The following OPA1 variants were observed in gnomAD, a reference collection of about 807,000 sequenced individuals.
OPA1 encodes OPA1 mitochondrial dynamin like GTPase, also known as dynamin-like GTPase OPA1, mitochondrial.
OPA1 carries 59 observed loss-of-function variants against 152.9 expected under a neutral mutation model. That is an observed-to-expected ratio of 0.39 (90% confidence interval 0.31 to 0.48). The LOEUF is 0.48. Among genes scored for constraint, OPA1 ranks in the 20% least tolerant of loss-of-function variants. The pLI is 0.96. For synonymous variants in OPA1, 400 were observed against 389.9 expected, an observed-to-expected ratio of 1.03 and a Z score of -0.31; for missense variants, 1,008 against 1,216.8, an observed-to-expected ratio of 0.83 and a Z score of 2.55.
At chr3:193,622,164 T>G (rs1730207314) in intron 6 of OPA1, among the ~76,000 whole-genome samples, 1 of 151,970 alleles carries the variant, frequency 6.6e-6, no homozygotes, top group African/African-American at 2.4e-5. Context: ...TAGTATTGTT[T>G]TAAGTATAAT....
Position 193,626,168 on chromosome 3 carries a change from A to G in OPA1, c.755A>G (p.Gln252Arg), listed in dbSNP as rs1427041733. Residue 252 changes from glutamine (Q) to arginine (R), a missense_variant, in exon 7 of 31, where the codon CAA becomes CGA. By Grantham distance (43) the Gln-to-Arg change is conservative. Transcript: ENST00000361510. Reference protein sequence around the residue: ...HEEEARRAAGQYSTSYAQQKR... With the variant: ...HEEEARRAAGRYSTSYAQQKR... ...GAGGAAGCGCGCAGAGCCGCTGGCC[A>G]ATATAGCACGAGCTATGCCCAACAG... 1.2e-6 allele frequency: 2 copies of G among 1,614,018 alleles called. No individual in the cohort carries two copies. The highest frequency in any genetic ancestry group is 1.3e-5 in the African/African-American group (1 of 74,934).
intron 29 of OPA1, among the ~76,000 whole-genome samples, chr3:193,689,611 T>C (rs1721400435): frequency 6.6e-6 from 1 of 152,182 alleles, no homozygotes; most frequent in African/African-American, 2.4e-5. Context: ...TTCAATTCAA[T>C]TGGATCTTCT....
chr3:193,663,983 G>T (rs1715928131), intron 26 of OPA1, among the ~76,000 whole-genome samples: 2 of 152,062 alleles, frequency 1.3e-5, no homozygotes, highest in African/African-American at 4.8e-5. Flanking sequence ...TGGCACGTTG[G>T]TGAATACAGT....
chr3:193,633,946 T>G (rs1279250863), intron 8 of OPA1, among the ~76,000 whole-genome samples: 1 of 152,188 alleles, frequency 6.6e-6, no homozygotes, highest in African/African-American at 2.4e-5. Flanking sequence ...TAGCCAGTAG[T>G]TCTGCCTGTC....
intron 29 of OPA1, among the ~76,000 whole-genome samples, chr3:193,678,509 T>C (rs1190740836): frequency 3.9e-5 from 6 of 152,214 alleles, no homozygotes; most frequent in African/African-American, 7.2e-5. Flanking sequence ...GGTCTCAGGT[T>C]GGCTTCTTAT....
intron 21 of OPA1, among the ~76,000 whole-genome samples, chr3:193,650,778 T>C (rs775236542): frequency 1.4e-4 from 22 of 152,048 alleles, no homozygotes; most frequent in Non-Finnish European, 2.9e-4. Flanking sequence ...TTTTCAAGAG[T>C]GAATCACTGA....
At chr3:193,678,612 G>C (rs901419215) in intron 29 of OPA1, among the ~76,000 whole-genome samples, 2 of 152,048 alleles carry the variant, frequency 1.3e-5, no homozygotes, top group African/African-American at 4.8e-5. Context: ...ACTTATTTCA[G>C]AAATGTTCAT....
chr3:193,607,621 T>C (rs1727495825), intron 1 of OPA1, among the ~76,000 whole-genome samples: 1 of 152,212 alleles, frequency 6.6e-6, no homozygotes, highest in Non-Finnish European at 1.5e-5. Flanking sequence ...TCCATTGGCC[T>C]ATATCTCTGT....
At chr3:193,600,348 A>G (rs1323770938) in intron 1 of OPA1, among the ~76,000 whole-genome samples, 1 of 152,192 alleles carries the variant, frequency 6.6e-6, no homozygotes, top group Non-Finnish European at 1.5e-5. Flanking sequence ...ACAAGTTGCA[A>G]CTTTGTACCA....
At chr3:193,677,543 TA>T (rs1366966414) in intron 29 of OPA1, among the ~76,000 whole-genome samples, 2 of 152,140 alleles carry the variant, frequency 1.3e-5, no homozygotes, top group Non-Finnish European at 2.9e-5. Flanking sequence ...CAACAGTATA[TA>T]AAAAATAAAA....
intron 29 of OPA1, among the ~76,000 whole-genome samples, chr3:193,676,728 C>G (rs1037890624): frequency 1.3e-5 from 2 of 152,100 alleles, no homozygotes; most frequent in Non-Finnish European, 2.9e-5. Flanking sequence ...CGCCTGTAAT[C>G]CCAGCACTTT....
rs151151622 is a variant in OPA1, at chr3:193,639,799, G to A, written c.1149+1734G>A. 4.0e-3 allele frequency among the ~76,000 whole-genome samples: 613 copies of A among 152,348 alleles called. 4 individuals carry two copies. Among genetic ancestry groups the A allele is most frequent in the African/African-American group, 0.014 (586 of 41,586 alleles). ...GGAGTCTAGGCTACTGGAGTATCCA[G>A]GTGATACTTGGGCTAGGGAAGTAGC... On this transcript the variant is annotated intron_variant, in intron 11 of 30. Transcript: ENST00000361510.
At chr3:193,610,419 G>A (rs1318744121) in intron 1 of OPA1, among the ~76,000 whole-genome samples, 5 of 152,172 alleles carry the variant, frequency 3.3e-5, no homozygotes, top group African/African-American at 4.8e-5. Context: ...AGGGGTACCC[G>A]GCCATGTGAG....
At chr3:193,642,629 G>A in intron 11 of OPA1, 136 bp from the exon 12 acceptor site, 1 of 698,614 alleles carries the variant, frequency 1.4e-6, no homozygotes, top group Non-Finnish European at 2.6e-6. Flanking sequence ...ACAGCTTCAG[G>A]GGGTGCCCCA....
Position 193,642,970 on chromosome 3 carries a change from A to C in OPA1, c.1231-5A>C. On this transcript the variant is annotated splice_polypyrimidine_tract_variant and splice_region_variant and intron_variant, in intron 12 of 30. Transcript: ENST00000361510. ...ATTTTCTTAGGATTTTGTGTTTTCC[A>C]TTAGCTTGCAGCATTAAGACATGAA... 6.2e-7 allele frequency: 1 copy of C among 1,613,054 alleles called. No individual in the cohort carries two copies. Among genetic ancestry groups the C allele is most frequent in the South Asian group, 1.1e-5 (1 of 91,054 alleles).
chr3:193,641,705 A>T (rs552745276), intron 11 of OPA1, among the ~76,000 whole-genome samples: 2 of 152,228 alleles, frequency 1.3e-5, no homozygotes, highest in Non-Finnish European at 2.9e-5. Flanking sequence ...CTGTTTAGCT[A>T]ATCTCAGTAG....
intron 1 of OPA1, among the ~76,000 whole-genome samples, chr3:193,606,373 C>T (rs1727278979): frequency 6.6e-6 from 1 of 151,946 alleles, no homozygotes; most frequent in Admixed American, 6.6e-5. Flanking sequence ...CCCATTAACT[C>T]ATCATTTACA....
intron 1 of OPA1, among the ~76,000 whole-genome samples, chr3:193,600,032 AT>A (rs1726226185): frequency 6.6e-6 from 1 of 152,214 alleles, no homozygotes; most frequent in South Asian, 2.1e-4. Context: ...CTCAGCTGTT[AT>A]TACAGATGCA....
At chr3:193,599,788 T>A (rs544670909) in intron 1 of OPA1, among the ~76,000 whole-genome samples, 21 of 152,108 alleles carry the variant, frequency 1.4e-4, no homozygotes, top group Non-Finnish European at 2.8e-4. Context: ...AGAAAAAAAA[T>A]GATCCACAAA....
Sources: gnomAD v4.1 joint callset for allele counts (sites outside exome capture counted in the v4.1 genomes callset) on GRCh38, gnomAD v4.1.1 for gene constraint, MANE v1.5 for transcripts, NCBI Gene and HGNC (gene_info 2026-07-23, HGNC 2026-07-21) for gene names.